CIDEC: variants seen among roughly 807,000 people sequenced by gnomAD.
CIDEC encodes lipid transferase CIDEC.
CIDEC carries 11 observed loss-of-function variants against 21.9 expected under a neutral mutation model. The observed-to-expected ratio is 0.50, with a 90% CI of 0.32 to 0.83. The LOEUF (loss-of-function observed/expected upper bound fraction) is 0.83, where lower values mean the gene tolerates loss of function less well. CIDEC is among the 40% of genes least tolerant of loss of function. The probability of loss-of-function intolerance (pLI) is 0.04; values close to 1 mark genes in which losing one functional copy is unlikely to be tolerated. For synonymous variants in CIDEC, 127 were observed against 124.9 expected, an observed-to-expected ratio of 1.02 and a Z score of -0.11; for missense variants, 302 against 302.3, an observed-to-expected ratio of 1.00 and a Z score of 0.01.
At chr3:9,877,251 C>A (rs768107841) in intron 3 of CIDEC, 32 bp from the exon 4 acceptor site, 34 of 1,549,244 alleles carry the variant, frequency 2.2e-5, no homozygotes, top group Non-Finnish European at 2.9e-5. Context: ...GGTGAGCCAC[C>A]CACTTTGCCC....
At position 9,870,059 on chromosome 3, in the gene CIDEC, T is replaced by A. The variant is rs2082325753; in HGVS notation, c.377A>T (p.His126Leu). 1 of 1,614,162 alleles carries A rather than the reference T, an allele frequency of 6.2e-7. No individual in the cohort carries two copies. The highest frequency in any genetic ancestry group is 8.5e-7 in the Non-Finnish European group (1 of 1,180,014). ...AGGCTTATGGGAGAGGGACAGTGGG[T>A]GCCTTGTCCCCTGCATTGAGACAAG... ...WQPPSEQGTR[H>L]PLSLSHKPAK... The change falls in exon 6 of 7, where the codon CAC becomes CTC. Residue 126 changes from histidine (H) to leucine (L), a missense_variant. By Grantham distance (99) the His-to-Leu change is moderately conservative (BLOSUM62 -3). Coordinates refer to ENST00000336832, the MANE Select transcript of CIDEC (RefSeq NM_001321142.2).
chr3:9,868,706 ACT>A (rs2125041072), intron 6 of CIDEC, among the ~76,000 whole-genome samples: 1 of 152,228 alleles, frequency 6.6e-6, no homozygotes, highest in East Asian at 1.9e-4. Flanking sequence ...AGTACAAATG[ACT>A]CTGGTCCATA....
intron 4 of CIDEC, among the ~76,000 whole-genome samples, chr3:9,872,942 T>C (rs1575451641): frequency 1.3e-5 from 2 of 152,272 alleles, no homozygotes. Context: ...TGAGCCTAGA[T>C]TGCACCACTG....
chr3:9,877,817 C>T (rs925576930), intron 3 of CIDEC: 1 of 165,618 alleles, frequency 6.0e-6, no homozygotes, highest in Non-Finnish European at 1.3e-5. Context: ...CACAAGTTCC[C>T]AAGTGATGTT....
chr3:9,876,041 G>T (rs1243215740), intron 4 of CIDEC, among the ~76,000 whole-genome samples: 2 of 152,214 alleles, frequency 1.3e-5, no homozygotes, highest in Non-Finnish European at 2.9e-5. Flanking sequence ...AGAAATAGGG[G>T]AGGAAACTTA....
chr3:9,869,078 C>T (rs1194575196), intron 6 of CIDEC, among the ~76,000 whole-genome samples: 2 of 152,176 alleles, frequency 1.3e-5, no homozygotes, highest in Non-Finnish European at 2.9e-5. Flanking sequence ...ATCCTCCTGC[C>T]TTGACCTCCC....
chr3:9,872,449 A>G (rs927261947), intron 4 of CIDEC, among the ~76,000 whole-genome samples: 1 of 152,222 alleles, frequency 6.6e-6, no homozygotes, highest in African/African-American at 2.4e-5. Context: ...TGCTAAAATT[A>G]GAGGCATGAG....
intron 4 of CIDEC, among the ~76,000 whole-genome samples, chr3:9,875,388 A>AAG (rs1553563762): frequency 6.6e-6 from 1 of 151,622 alleles, no homozygotes; most frequent in African/African-American, 2.4e-5. Flanking sequence ...AAAAAAAAAA[A>AAG]AAAAAGAAAA....
At chr3:9,870,404 C>T (rs752894049) in intron 4 of CIDEC, 82 bp from the exon 5 acceptor site, 1 of 1,594,196 alleles carries the variant, frequency 6.3e-7, no homozygotes, top group African/African-American at 1.3e-5. Context: ...AGCCCAGGCC[C>T]TCTGCTGTGG....
At chr3:9,873,094 T>G (rs1021330442) in intron 4 of CIDEC, among the ~76,000 whole-genome samples, 13 of 152,194 alleles carry the variant, frequency 8.5e-5, no homozygotes, top group African/African-American at 1.7e-4. Context: ...GGTTTTGTTT[T>G]TTTGTTTGTT....
rs368499736 is a variant in CIDEC at position 9,878,506 on chromosome 3, T to C, written c.-20A>G. ...TTCCATCCTTGTCAGCTGGACTGCG[T>C]TGGACCTGGGAAGGAGGCAGAAACA... On this transcript the variant is annotated 5_prime_UTR_variant, in exon 3 of 7. Coordinates refer to ENST00000336832, the MANE Select transcript of CIDEC (RefSeq NM_001321142.2). 5.6e-6 allele frequency: 9 copies of C among 1,613,654 alleles called. No homozygotes were observed. Among genetic ancestry groups the C allele is most frequent in the Admixed American group, 1.7e-5 (1 of 60,008 alleles).
chr3:9,873,223 T>C (rs1227585844), intron 4 of CIDEC, among the ~76,000 whole-genome samples: 2 of 152,222 alleles, frequency 1.3e-5, no homozygotes, highest in African/African-American at 2.4e-5. Context: ...ATTTAGGTCT[T>C]TGGTCCATTT....
rs1207437666 is a variant in CIDEC at position 9,867,089 on chromosome 3, C to T, written c.*45G>A. ...GGCACTACCAGTTAAGCGTGAGGCCCCCAGTCAGTCCTTCACTGGGGAAAG... is the reference window on the plus strand; with the variant it reads ...GGCACTACCAGTTAAGCGTGAGGCCTCCAGTCAGTCCTTCACTGGGGAAAG... On this transcript the variant is annotated 3_prime_UTR_variant, in exon 7 of 7. Transcript: ENST00000336832. The T allele has an allele frequency of 6.2e-7, 1 of 1,606,258 alleles. No homozygotes were observed. The highest frequency in any genetic ancestry group is 1.1e-5 in the South Asian group (1 of 90,888).
chr3:9,876,884 CTCCTGTTACCAAACAGACA>C (rs913995934), intron 4 of CIDEC, among the ~76,000 whole-genome samples, 163 bp downstream of exon 4: 1 of 152,172 alleles, frequency 6.6e-6, no homozygotes, highest in African/African-American at 2.4e-5. Context: ...TACTGCCCCC[CTCCTGTTACCAAACAGACA>C]TCAGTCATTG....
chr3:9,869,706 G>A (rs754201923), intron 6 of CIDEC, among the ~76,000 whole-genome samples, 176 bp downstream of exon 6: 33 of 152,284 alleles, frequency 2.2e-4, no homozygotes, highest in Non-Finnish European at 3.7e-4. Flanking sequence ...GGCACACGCC[G>A]GTGTCGTCCA....
rs542690819 is a variant in CIDEC at position 9,867,091 on chromosome 3, C to T, written c.*43G>A. The T allele has an allele frequency of 2.6e-4, 417 of 1,606,772 alleles. No individual in the cohort carries two copies. The highest frequency in any genetic ancestry group is 6.4e-4 in the South Asian group (58 of 90,884). ...CACTACCAGTTAAGCGTGAGGCCCC[C>T]AGTCAGTCCTTCACTGGGGAAAGCT... On this transcript the variant is annotated 3_prime_UTR_variant, in exon 7 of 7. Transcript: ENST00000336832.
rs187300311 is a variant in CIDEC, at chr3:9,872,850, G to C, written c.208-2528C>G. ...TAAAATTACAAAAAATTAGCTGGGC[G>C]TGGTGGTGCGCGCCTGTAGTCCCAG... On this transcript the variant is annotated intron_variant, in intron 4 of 6. Transcript: ENST00000336832. Among the ~76,000 whole-genome samples the C allele has an allele frequency of 5.7e-4, 87 of 152,196 alleles. 1 individual carries two copies. The highest frequency in any genetic ancestry group is 5.7e-4 in the Non-Finnish European group (39 of 68,002).
chr3:9,868,973 TTGTGTGTG>T (rs774815003), intron 6 of CIDEC, among the ~76,000 whole-genome samples: 1 of 150,858 alleles, frequency 6.6e-6, no homozygotes, highest in Non-Finnish European at 1.5e-5. Context: ...TGCCAGCATT[TTGTGTGTG>T]TGTGTGTGTG....
Position 9,866,986 on chromosome 3 carries a change from C to A in CIDEC, c.*148G>T, listed in dbSNP as rs1218686157. Reference sequence around the variant, plus strand: ...TGGCCAACCCACCCCAGGTTTCCAGCTCCTCCTCCTCACTCAGGGTCCTGC... The same window carrying A: ...TGGCCAACCCACCCCAGGTTTCCAGATCCTCCTCCTCACTCAGGGTCCTGC... On this transcript the variant is annotated 3_prime_UTR_variant, in exon 7 of 7. Transcript: ENST00000336832. 3.3e-6 allele frequency: 3 copies of A among 906,878 alleles called. No homozygotes were observed. The highest frequency in any genetic ancestry group is 3.3e-5 in the African/African-American group (2 of 61,246). 56.2% of individuals were successfully genotyped at this position (906,878 alleles called of 1,614,324 possible).
Sources: gnomAD v4.1 joint callset for allele counts (sites outside exome capture counted in the v4.1 genomes callset) on GRCh38, gnomAD v4.1.1 for gene constraint, MANE v1.5 for transcripts, NCBI Gene and HGNC (gene_info 2026-07-23, HGNC 2026-07-21) for gene names.